Variants in PLCL1 observed in about 807,000 individuals in gnomAD.
The protein encoded by PLCL1 is inactive phospholipase C-like protein 1.
In PLCL1, 41 loss-of-function variants were observed where a neutral mutation model predicts 84.4. That is an observed-to-expected ratio of 0.49 (90% confidence interval 0.38 to 0.63). The LOEUF (loss-of-function observed/expected upper bound fraction) is 0.63. PLCL1 is among the 30% of genes least tolerant of loss of function. The probability of loss-of-function intolerance (pLI) is 0.00; values close to 1 mark genes in which losing one functional copy is unlikely to be tolerated. For synonymous variants in PLCL1, 490 were observed against 488.3 expected (o/e 1.00, Z -0.05); for missense variants, 1,206 against 1,367.8 (o/e 0.88, Z 1.87).
intron 1 of PLCL1, among the ~76,000 whole-genome samples, chr2:198,058,855 A>G (rs1451887425): frequency 6.6e-6 from 1 of 152,178 alleles, no homozygotes; most frequent in African/African-American, 2.4e-5. Context: ...CTGAAGACAG[A>G]ATTAAAATTA....
intron 1 of PLCL1, among the ~76,000 whole-genome samples, chr2:198,010,282 A>C (rs902567478): frequency 1.3e-5 from 2 of 151,838 alleles, no homozygotes; most frequent in African/African-American, 4.8e-5. Flanking sequence ...TTCTCATCGA[A>C]TATGATGTTA....
chr2:197,838,526 G>C (rs1691234084), intron 1 of PLCL1, among the ~76,000 whole-genome samples: 1 of 152,060 alleles, frequency 6.6e-6, no homozygotes, highest in African/African-American at 2.4e-5. Context: ...GGATCACAAA[G>C]AACATAACAT....
chr2:198,074,599 A>G (rs555689935), intron 1 of PLCL1, among the ~76,000 whole-genome samples: 1 of 152,318 alleles, frequency 6.6e-6, no homozygotes, highest in Non-Finnish European at 1.5e-5. Context: ...AGATCGAGCC[A>G]CTGCACTCCA....
intron 1 of PLCL1, among the ~76,000 whole-genome samples, chr2:198,015,783 A>G (rs1321834012): frequency 5.3e-5 from 8 of 152,218 alleles, no homozygotes; most frequent in Non-Finnish European, 1.5e-5. Flanking sequence ...TACTCAGAGC[A>G]TATGTGTGAT....
At chr2:197,869,315 A>C (rs1574922196) in intron 1 of PLCL1, among the ~76,000 whole-genome samples, 6 of 152,156 alleles carry the variant, frequency 3.9e-5, no homozygotes, top group Admixed American at 3.9e-4. Context: ...AGAGCAATAC[A>C]CTTCTTAGAG....
chr2:197,966,602 G>A (rs2105793826), intron 1 of PLCL1, among the ~76,000 whole-genome samples: 1 of 152,246 alleles, frequency 6.6e-6, no homozygotes, highest in Middle Eastern at 3.4e-3. Context: ...TTTGAACAAT[G>A]CAGCTGCTGC....
At chr2:198,068,189 C>T (rs966191335) in intron 1 of PLCL1, among the ~76,000 whole-genome samples, 1 of 152,098 alleles carries the variant, frequency 6.6e-6, no homozygotes, top group Non-Finnish European at 1.5e-5. Flanking sequence ...AGTGGAAATG[C>T]TGTTTTAATA....
chr2:198,006,816 T>C (rs1407106864), intron 1 of PLCL1, among the ~76,000 whole-genome samples: 1 of 152,200 alleles, frequency 6.6e-6, no homozygotes, highest in African/African-American at 2.4e-5. Flanking sequence ...CAAAGGACCC[T>C]GTGGAATGAT....
chr2:197,881,993 G>A (rs924704366), intron 1 of PLCL1, among the ~76,000 whole-genome samples: 2 of 152,012 alleles, frequency 1.3e-5, no homozygotes, highest in African/African-American at 2.4e-5. Context: ...ATAGAACCTC[G>A]TATACATTAG....
At chr2:197,946,208 G>C (rs1362935471) in intron 1 of PLCL1, among the ~76,000 whole-genome samples, 2 of 152,104 alleles carry the variant, frequency 1.3e-5, no homozygotes, top group Non-Finnish European at 2.9e-5. Context: ...AGTAGAAGAG[G>C]CTTTTCTATT....
At chr2:198,021,456 A>G (rs535021709) in intron 1 of PLCL1, among the ~76,000 whole-genome samples, 1 of 152,338 alleles carries the variant, frequency 6.6e-6, no homozygotes, top group African/African-American at 2.4e-5. Context: ...CAATGAATCC[A>G]GGAGCTGTTT....
intron 1 of PLCL1, among the ~76,000 whole-genome samples, chr2:197,894,616 TA>T (rs1193224562): frequency 1.3e-4 from 20 of 152,158 alleles, no homozygotes; most frequent in Middle Eastern, 3.4e-3. Context: ...GAATTGGAAT[TA>T]AACTGTGGCC....
At chr2:197,814,927 T>C (rs1309054260) in intron 1 of PLCL1, among the ~76,000 whole-genome samples, 1 of 152,110 alleles carries the variant, frequency 6.6e-6, no homozygotes, top group East Asian at 1.9e-4. Flanking sequence ...GGAAGAAAAG[T>C]TGGAAGCTAG....
chr2:197,830,130 C>A (rs545648412), intron 1 of PLCL1, among the ~76,000 whole-genome samples: 1 of 152,046 alleles, frequency 6.6e-6, no homozygotes, highest in Non-Finnish European at 1.5e-5. Context: ...AGGATCACAA[C>A]TCCTGGCCAG....
intron 1 of PLCL1, among the ~76,000 whole-genome samples, chr2:197,835,687 A>T (rs1016410691): frequency 2.6e-5 from 4 of 152,226 alleles, no homozygotes; most frequent in Admixed American, 2.0e-4. Context: ...CGCCTCTAAA[A>T]TGGGACTAGC....
chr2:198,043,984 C>T (rs2105861917), intron 1 of PLCL1, among the ~76,000 whole-genome samples: 1 of 150,834 alleles, frequency 6.6e-6, no homozygotes, highest in Non-Finnish European at 1.5e-5. Context: ...TGGTCCTTTC[C>T]ACAAAGTTCT....
chr2:198,043,334 G>T (rs1394938413), intron 1 of PLCL1, among the ~76,000 whole-genome samples: 1 of 152,158 alleles, frequency 6.6e-6, no homozygotes, highest in East Asian at 1.9e-4. Flanking sequence ...GAAATTGGAG[G>T]CAGGGATGAC....
Position 198,147,865 on chromosome 2 carries a change from G to A in PLCL1, c.*903G>A, listed in dbSNP as rs1694563294. Reference sequence around the variant, plus strand: ...CTCATTTTCTATAACAGATATGGCAGCTTAGAGGTGTTGGCTTTGTTTGGA... The same window carrying A: ...CTCATTTTCTATAACAGATATGGCAACTTAGAGGTGTTGGCTTTGTTTGGA... On this transcript the variant is annotated 3_prime_UTR_variant, in exon 6 of 6. Coordinates refer to ENST00000428675, the MANE Select transcript of PLCL1 (RefSeq NM_006226.4). The A allele has an allele frequency of 6.6e-6, 1 of 152,242 alleles. No individual in the cohort carries two copies. Among genetic ancestry groups the A allele is most frequent in the Non-Finnish European group, 1.5e-5 (1 of 67,998 alleles). The allele number at this position is 152,242 out of a possible 1,614,324, so 9.4% of individuals were successfully genotyped here.
intron 1 of PLCL1, among the ~76,000 whole-genome samples, chr2:197,875,538 T>C (rs1035827904): frequency 1.5e-4 from 23 of 152,094 alleles, no homozygotes; most frequent in Admixed American, 6.6e-4. Flanking sequence ...CGCATTGAGC[T>C]TCCTTTATAT....
Sources: allele counts gnomAD v4.1 joint callset (sites outside exome capture counted in the v4.1 genomes callset), GRCh38; gene constraint gnomAD v4.1.1; transcripts MANE v1.5; gene names NCBI Gene and HGNC (gene_info 2026-07-23, HGNC 2026-07-21).